DPP10: variants seen among roughly 807,000 people sequenced by gnomAD.
The protein encoded by DPP10 is dipeptidyl peptidase like 10, also known as inactive dipeptidyl peptidase 10.
A neutral mutation model predicts 120.9 loss-of-function variants in DPP10; 33 were observed. The observed-to-expected ratio is 0.27, with a 90% CI of 0.21 to 0.37. The LOEUF (loss-of-function observed/expected upper bound fraction) is 0.37. DPP10 is among the 10% of genes least tolerant of loss of function. The pLI is 1.00. For missense variants in DPP10, 816 were observed against 942.8 expected (o/e 0.87, Z 1.76); for synonymous variants, 337 against 326.1 (o/e 1.03, Z -0.36).
intron 3 of DPP10, among the ~76,000 whole-genome samples, chr2:115,370,625 C>G (rs1454511453): frequency 6.6e-6 from 1 of 152,062 alleles, no homozygotes; most frequent in Admixed American, 6.6e-5. Flanking sequence ...TACATTTAAA[C>G]AAACAAGGAC....
chr2:115,672,654 T>C (rs7419486), intron 5 of DPP10, among the ~76,000 whole-genome samples: 873 of 57,000 alleles, frequency 0.015, 7 homozygotes, highest in East Asian at 0.04. Flanking sequence ...CTCTCTCTCT[T>C]TCTTTCTTTC....
chr2:114,655,678 G>A (rs1222522294), intron 1 of DPP10, among the ~76,000 whole-genome samples: 1 of 151,842 alleles, frequency 6.6e-6, no homozygotes, highest in Non-Finnish European at 1.5e-5. Flanking sequence ...CCTGCTTTTT[G>A]GTAAAATTGT....
intron 5 of DPP10, among the ~76,000 whole-genome samples, chr2:115,545,595 G>A (rs140590817): frequency 6.6e-5 from 10 of 152,256 alleles, no homozygotes; most frequent in East Asian, 5.8e-4. Context: ...GAGACTTGGT[G>A]TGGTAGGAGA....
At chr2:115,584,003 G>A (rs917669832) in intron 5 of DPP10, among the ~76,000 whole-genome samples, 3 of 152,038 alleles carry the variant, frequency 2.0e-5, no homozygotes, top group African/African-American at 4.8e-5. Flanking sequence ...TTGAGGTGAA[G>A]GTTCTGGCAA....
At chr2:114,465,050 G>A (rs545521027) in intron 1 of DPP10, among the ~76,000 whole-genome samples, 1 of 152,292 alleles carries the variant, frequency 6.6e-6, no homozygotes, top group East Asian at 1.9e-4. Context: ...CCCAGGACTG[G>A]AGGGGAACTA....
chr2:115,376,411 T>C (rs907284260), intron 3 of DPP10, among the ~76,000 whole-genome samples: 7 of 152,108 alleles, frequency 4.6e-5, no homozygotes, highest in Non-Finnish European at 8.8e-5. Flanking sequence ...TTTAGAGTAT[T>C]GTATTACCAA....
intron 9 of DPP10, among the ~76,000 whole-genome samples, chr2:115,744,269 T>C (rs1677667441): frequency 6.7e-6 from 1 of 150,274 alleles, no homozygotes; most frequent in African/African-American, 2.4e-5. Context: ...TGTCAGGCTG[T>C]AAAGTTCAAC....
chr2:115,737,383 T>C (rs1676683368), intron 8 of DPP10, among the ~76,000 whole-genome samples: 1 of 152,164 alleles, frequency 6.6e-6, no homozygotes, highest in South Asian at 2.1e-4. Context: ...GCATACTCAC[T>C]TGGTATCCCA....
At chr2:114,707,110 G>T (rs576070245) in intron 1 of DPP10, 1 of 152,136 alleles carries the variant, frequency 6.6e-6, no homozygotes, top group African/African-American at 2.4e-5. Flanking sequence ...TGTTTTCTGT[G>T]TTTCAGGATC....
intron 1 of DPP10, among the ~76,000 whole-genome samples, chr2:114,521,567 G>C (rs1356929351): frequency 6.6e-6 from 1 of 151,890 alleles, no homozygotes; most frequent in African/African-American, 2.4e-5. Flanking sequence ...TATAACACAG[G>C]AAAATTTAAA....
At chr2:115,289,004 A>G (rs1410714922) in intron 1 of DPP10, among the ~76,000 whole-genome samples, 1 of 152,066 alleles carries the variant, frequency 6.6e-6, no homozygotes. Flanking sequence ...AAATTAAACT[A>G]TCTCTGTTTG....
At chr2:115,219,128 G>T (rs1559260692) in intron 1 of DPP10, among the ~76,000 whole-genome samples, 2 of 152,062 alleles carry the variant, frequency 1.3e-5, no homozygotes. Context: ...ACATTTGAAT[G>T]AAATAACATG....
rs531756280 is a variant in DPP10 at position 115,674,801 on chromosome 2, G to A, written c.442-14886G>A. Among the ~76,000 whole-genome samples, 7 of 152,322 alleles carry A rather than the reference G, an allele frequency of 4.6e-5. No homozygotes were observed. The South Asian group carries it at 1.2e-3, about 27-fold the overall frequency. On this transcript the variant is annotated intron_variant, in intron 5 of 25. Coordinates refer to ENST00000410059, the MANE Select transcript of DPP10 (RefSeq NM_020868.6). The stretch of plus-strand genomic sequence containing the variant: ...AGAGGGATTTTTATGTTGAAAATCA[G>A]TAGAGTGTTACCTTTGCTATGGAAG...
intron 1 of DPP10, among the ~76,000 whole-genome samples, chr2:115,305,324 G>A (rs1274940645): frequency 5.3e-5 from 8 of 152,060 alleles, no homozygotes; most frequent in Admixed American, 3.9e-4. Context: ...GTGGTAGAAA[G>A]CCATCAAAAA....
chr2:115,771,966 A>T (rs559076044), intron 13 of DPP10, among the ~76,000 whole-genome samples: 2 of 151,966 alleles, frequency 1.3e-5, no homozygotes, highest in East Asian at 3.9e-4. Flanking sequence ...CATTATGGAG[A>T]GTGATGGCGG....
At chr2:115,423,081 A>G (rs777343961) in intron 3 of DPP10, among the ~76,000 whole-genome samples, 17 of 152,104 alleles carry the variant, frequency 1.1e-4, no homozygotes, top group Non-Finnish European at 2.1e-4. Context: ...AATAATTTTA[A>G]TGTGATATAA....
At chr2:114,969,549 T>C (rs1348446556) in intron 1 of DPP10, among the ~76,000 whole-genome samples, 3 of 152,216 alleles carry the variant, frequency 2.0e-5, no homozygotes, top group Admixed American at 2.0e-4. Flanking sequence ...CTTGGATTGA[T>C]ACTTCCAAGG....
chr2:115,116,965 T>C (rs4459743), intron 1 of DPP10, among the ~76,000 whole-genome samples: 52,011 of 152,110 alleles, frequency 0.34, 9,899 homozygotes, highest in Non-Finnish European at 0.42. Context: ...AGAACATATA[T>C]ATGATTCAAT....
intron 1 of DPP10, among the ~76,000 whole-genome samples, chr2:115,127,970 T>G (rs575493393): frequency 2.6e-5 from 4 of 152,344 alleles, no homozygotes; most frequent in African/African-American, 9.6e-5. Context: ...GTTTTGACCA[T>G]GTGCTTGTGT....
Sources: gnomAD v4.1 joint callset for allele counts (sites outside exome capture counted in the v4.1 genomes callset) on GRCh38, gnomAD v4.1.1 for gene constraint, MANE v1.5 for transcripts, NCBI Gene and HGNC (gene_info 2026-07-23, HGNC 2026-07-21) for gene names.